Variants in SDC2 observed in about 807,000 individuals in gnomAD.
SDC2 encodes syndecan-2.
Under a neutral mutation model 22.2 loss-of-function variants are expected in SDC2, and 13 were observed. The ratio of observed to expected loss-of-function variants is 0.59; its 90% CI spans 0.38 to 0.93. The LOEUF is 0.93. Ranked by LOEUF, SDC2 falls within the 40% of genes least tolerant of loss-of-function variation. The pLI, the probability that SDC2 is intolerant of heterozygous loss-of-function variation, is 0.00. For synonymous variants in SDC2, 94 were observed against 92.8 expected (o/e 1.01, Z -0.07); for missense variants, 235 against 246.8 (o/e 0.95, Z 0.32).
At chr8:96,564,313 T>C (rs1814259843) in intron 1 of SDC2, among the ~76,000 whole-genome samples, 1 of 152,234 alleles carries the variant, frequency 6.6e-6, no homozygotes, top group Non-Finnish European at 1.5e-5. Context: ...TCCAGGCCTA[T>C]AGCCTATTAA....
intron 1 of SDC2, among the ~76,000 whole-genome samples, chr8:96,562,274 GCCTTTGCT>G (rs1164488354): frequency 6.6e-6 from 1 of 152,168 alleles, no homozygotes; most frequent in Non-Finnish European, 1.5e-5. Flanking sequence ...CCATTGTATT[GCCTTTGCT>G]CCTTTGTCAA....
At chr8:96,529,941 G>A (rs1213820057) in intron 1 of SDC2, among the ~76,000 whole-genome samples, 1 of 152,002 alleles carries the variant, frequency 6.6e-6, no homozygotes, top group Non-Finnish European at 1.5e-5. Context: ...CCCTCTCCCA[G>A]CTTTATTCTG....
chr8:96,541,327 CTGT>C (rs1414545822), intron 1 of SDC2, among the ~76,000 whole-genome samples: 3 of 151,756 alleles, frequency 2.0e-5, no homozygotes, highest in Non-Finnish European at 2.9e-5. Flanking sequence ...ACTCAGGAGG[CTGT>C]ACCCCGTCTC....
chr8:96,541,336 G>A (rs867385048), intron 1 of SDC2, among the ~76,000 whole-genome samples: 4 of 151,686 alleles, frequency 2.6e-5, no homozygotes, highest in Middle Eastern at 3.2e-3. Flanking sequence ...GCTGTACCCC[G>A]TCTCTCCTAA....
intron 1 of SDC2, among the ~76,000 whole-genome samples, chr8:96,500,641 G>A (rs762671214): frequency 4.6e-5 from 6 of 130,064 alleles, no homozygotes; most frequent in African/African-American, 9.1e-5. Flanking sequence ...CAGCCTGGGC[G>A]ACAGAGTGAG....
intron 1 of SDC2, among the ~76,000 whole-genome samples, chr8:96,518,599 C>T (rs1028933218): frequency 2.6e-5 from 4 of 152,074 alleles, no homozygotes; most frequent in African/African-American, 9.7e-5. Context: ...CCTCGTGATC[C>T]GCCCGCCTCG....
chr8:96,601,044 G>A (rs1814973085), intron 2 of SDC2, among the ~76,000 whole-genome samples: 1 of 152,130 alleles, frequency 6.6e-6, no homozygotes, highest in Admixed American at 6.6e-5. Flanking sequence ...AACCAGCAAA[G>A]GAAACTTAGA....
rs1815153872 is a variant in SDC2 at position 96,610,230 on chromosome 8, C to CT, written c.*683dup. 1 of 152,606 alleles carries CT rather than the reference C, an allele frequency of 6.6e-6. No individual in the cohort carries two copies. The highest frequency in any genetic ancestry group is 1.5e-5 in the Non-Finnish European group (1 of 68,030). The allele number at this position is 152,606 out of a possible 1,614,324, so 9.5% of individuals were successfully genotyped here. On this transcript the variant is annotated 3_prime_UTR_variant, in exon 5 of 5. Transcript: ENST00000302190. The stretch of plus-strand genomic sequence containing the variant: ...TTACTACAAAACCGTTTAGTCATAT[C>CT]TATCTAATCAGATCTTCTTTTGGGA...
At position 96,515,236 on chromosome 8, in the gene SDC2, C is replaced by T. The variant is rs367950736; in HGVS notation, c.60+20905C>T. Among the ~76,000 whole-genome samples, 293 of 152,236 alleles carry T rather than the reference C, an allele frequency of 1.9e-3. 1 individual carries two copies. The highest frequency in any genetic ancestry group is 3.2e-3 in the Non-Finnish European group (215 of 68,014). ...TTTCCCCCTACTTTCTACTTACTGCCTTGCAATGAAGTTTTTAAAATTCCA... is the reference window on the plus strand; with the variant it reads ...TTTCCCCCTACTTTCTACTTACTGCTTTGCAATGAAGTTTTTAAAATTCCA... On this transcript the variant is annotated intron_variant, in intron 1 of 4. Transcript: ENST00000302190.
rs1485913119 is a variant in SDC2, at chr8:96,610,193, A to C, written c.*645A>C. On this transcript the variant is annotated 3_prime_UTR_variant, in exon 5 of 5. Coordinates refer to ENST00000302190, the MANE Select transcript of SDC2 (RefSeq NM_002998.4). ...GATTTGCAACAGCAAATTAATGTGT[A>C]AAATTGGATTATTACTACAAAACCG... 1 of 152,652 alleles carries C rather than the reference A, an allele frequency of 6.6e-6. No homozygotes were observed. Among genetic ancestry groups the C allele is most frequent in the Non-Finnish European group, 1.5e-5 (1 of 68,038 alleles). 9.5% of individuals were successfully genotyped at this position (152,652 alleles called of 1,614,324 possible).
At position 96,494,318 on chromosome 8, in the gene SDC2, T is replaced by G; in HGVS notation, c.47T>G (p.Val16Gly). The change falls in exon 1 of 5, where the codon GTG becomes GGG. Residue 16 changes from valine to glycine, a missense_variant. Coordinates refer to ENST00000302190, the MANE Select transcript of SDC2 (RefSeq NM_002998.4). ...CTCACCTTGGGCTTGGTGGCCTGCG[T>G]GTCGGCGGAGTCGGTGAGTGGGCCA... is the stretch of plus-strand genomic sequence containing the variant. ...ILLTLGLVAC[V>G]SAESRAELTS... The G allele has an allele frequency of 6.5e-7, 1 of 1,544,274 alleles. No individual in the cohort carries two copies. Among genetic ancestry groups the G allele is most frequent in the African/African-American group, 1.4e-5 (1 of 73,358 alleles).
At chr8:96,570,853 G>C (rs1291562054) in intron 1 of SDC2, among the ~76,000 whole-genome samples, 1 of 152,096 alleles carries the variant, frequency 6.6e-6, no homozygotes, top group Non-Finnish European at 1.5e-5. Flanking sequence ...GCACTTATGA[G>C]GTAACTGGAA....
intron 1 of SDC2, among the ~76,000 whole-genome samples, chr8:96,528,414 T>C (rs1813611499): frequency 6.6e-6 from 1 of 152,200 alleles, no homozygotes; most frequent in African/African-American, 2.4e-5. Flanking sequence ...ACGGTATTCA[T>C]TGTCCTCTCA....
At chr8:96,589,245 A>G (rs1197848692) in intron 1 of SDC2, among the ~76,000 whole-genome samples, 2 of 152,176 alleles carry the variant, frequency 1.3e-5, no homozygotes, top group Non-Finnish European at 2.9e-5. Context: ...ATACGAAGGA[A>G]AGTAGTGTCA....
intron 2 of SDC2, among the ~76,000 whole-genome samples, chr8:96,595,768 T>C (rs1445098815): frequency 6.6e-6 from 1 of 152,190 alleles, no homozygotes; most frequent in African/African-American, 2.4e-5. Context: ...ACACAATGAC[T>C]TTGCCAACCT....
intron 1 of SDC2, among the ~76,000 whole-genome samples, chr8:96,550,082 CAAAA>C (rs1476521004): frequency 6.6e-6 from 1 of 151,914 alleles, no homozygotes; most frequent in African/African-American, 2.4e-5. Context: ...AATGGGAGCT[CAAAA>C]TTTTTTCAAA....
chr8:96,591,363 C>T (rs999551050), intron 1 of SDC2, among the ~76,000 whole-genome samples: 18 of 152,164 alleles, frequency 1.2e-4, no homozygotes, highest in Non-Finnish European at 5.9e-5. Context: ...GTCTCCTAGG[C>T]TTAAAATGGA....
chr8:96,521,180 A>AT (rs1402107030), intron 1 of SDC2, among the ~76,000 whole-genome samples: 1 of 152,186 alleles, frequency 6.6e-6, no homozygotes, highest in African/African-American at 2.4e-5. Flanking sequence ...TATGTTGTGT[A>AT]TTTTTGAAAA....
intron 1 of SDC2, among the ~76,000 whole-genome samples, chr8:96,592,038 C>G (rs1342902759): frequency 6.6e-6 from 1 of 152,200 alleles, no homozygotes; most frequent in East Asian, 1.9e-4. Context: ...GAGTTAAGCT[C>G]TGACCATTCT....
Sources: gnomAD v4.1 joint callset for allele counts (sites outside exome capture counted in the v4.1 genomes callset) on GRCh38, gnomAD v4.1.1 for gene constraint, MANE v1.5 for transcripts, NCBI Gene and HGNC (gene_info 2026-07-23, HGNC 2026-07-21) for gene names.